KIAA1217: variants seen among roughly 807,000 people sequenced by gnomAD.
KIAA1217 encodes sickle tail protein homolog.
Under a neutral mutation model 163.9 loss-of-function variants are expected in KIAA1217, and 88 were observed. The ratio of observed to expected loss-of-function variants is 0.54; its 90% confidence interval spans 0.45 to 0.64. The LOEUF is 0.64. KIAA1217 is among the 30% of genes least tolerant of loss of function. The pLI is 0.00. For missense variants in KIAA1217, 2,372 were observed against 2,475.0 expected (o/e 0.96, Z 0.88); for synonymous variants, 903 against 923.1 (o/e 0.98, Z 0.39).
chr10:23,700,024 C>T (rs1019942348), intron 1 of KIAA1217, among the ~76,000 whole-genome samples: 3 of 152,116 alleles, frequency 2.0e-5, no homozygotes, highest in Non-Finnish European at 4.4e-5. Context: ...TTAGATAGAA[C>T]TGGAATCTTA....
intron 2 of KIAA1217, among the ~76,000 whole-genome samples, chr10:24,265,630 A>T (rs1564369989): frequency 6.6e-6 from 1 of 152,116 alleles, no homozygotes; most frequent in Admixed American, 6.6e-5. Context: ...TCCCATCTTC[A>T]TGTGGACATT....
intron 5 of KIAA1217, among the ~76,000 whole-genome samples, chr10:24,459,422 T>C (rs1259565078): frequency 1.3e-5 from 2 of 152,252 alleles, no homozygotes; most frequent in Non-Finnish European, 2.9e-5. Flanking sequence ...CATATTTTAA[T>C]GTTCACGTAC....
chr10:24,300,230 T>C (rs1490407847), intron 2 of KIAA1217, among the ~76,000 whole-genome samples: 1 of 152,236 alleles, frequency 6.6e-6, no homozygotes, highest in Non-Finnish European at 1.5e-5. Flanking sequence ...AATGAATCCC[T>C]GTCCCACAGT....
chr10:24,063,316 A>G (rs2060806800), intron 2 of KIAA1217, among the ~76,000 whole-genome samples: 1 of 152,188 alleles, frequency 6.6e-6, no homozygotes. Context: ...TAATTTTTGT[A>G]TAAGGTGTAA....
chr10:24,545,004 G>A lies in KIAA1217; in HGVS notation c.5235G>A (p.Thr1745=), dbSNP rs149856867. 8.7e-6 allele frequency: 14 copies of A among 1,613,880 alleles called. No homozygotes were observed. Among genetic ancestry groups the A allele is most frequent in the African/African-American group, 1.3e-5 (1 of 74,886 alleles). ...SRKGSSGAPQ[T]SRMPVPMSAK... ...AGGGCTCCAGCGGGGCCCCACAGAC[G>A]AGCAGGATGCCTGTCCCCATGAGTG... Residue 1745 remains threonine, a synonymous_variant, in exon 20 of 21, where the codon ACG becomes ACA. Transcript: ENST00000376454.
Position 24,296,804 on chromosome 10 carries a change from T to G in KIAA1217, c.354+76895T>G, listed in dbSNP as rs1019052708. Among the ~76,000 whole-genome samples the G allele has an allele frequency of 1.2e-4, 19 of 152,356 alleles. 1 individual carries two copies. Among genetic ancestry groups the G allele is most frequent in the Admixed American group, 9.8e-4 (15 of 15,304 alleles). Reference sequence around the variant, plus strand: ...GAAGAAGGATAGAGAGAAAGCTTGCTAATTGGGGCTAAATACAGATTATGT... The same window carrying G: ...GAAGAAGGATAGAGAGAAAGCTTGCGAATTGGGGCTAAATACAGATTATGT... On this transcript the variant is annotated intron_variant, in intron 2 of 20. Coordinates refer to ENST00000376454, the MANE Select transcript of KIAA1217 (RefSeq NM_019590.5).
chr10:24,174,702 C>A (rs116189159), intron 2 of KIAA1217, among the ~76,000 whole-genome samples: 1 of 152,144 alleles, frequency 6.6e-6, no homozygotes, highest in African/African-American at 2.4e-5. Flanking sequence ...GAACTACAGA[C>A]ATTTTTTAAA....
intron 2 of KIAA1217, among the ~76,000 whole-genome samples, chr10:24,083,473 C>T (rs574260173): frequency 2.4e-4 from 37 of 152,290 alleles, no homozygotes; most frequent in African/African-American, 8.7e-4. Flanking sequence ...AGAGGAAGTG[C>T]TCAATAATTG....
chr10:23,798,053 T>C (rs1836291979), intron 1 of KIAA1217, among the ~76,000 whole-genome samples: 2 of 152,208 alleles, frequency 1.3e-5, no homozygotes, highest in African/African-American at 4.8e-5. Flanking sequence ...AAAGAAATTA[T>C]TCCTTGTTTT....
In KIAA1217 at chr10:23,886,245, G is replaced by A. The variant is rs1040895780; in HGVS notation, c.-320-120980G>A. On this transcript the variant is annotated intron_variant, in intron 1 of 18. Coordinates refer to the KIAA1217 transcript ENST00000376462. ...AAGTGTTCCTCTTATTGCTAACTGT[G>A]TGGATGTTAACATGGGCATCTTCAC... 3.9e-5 allele frequency among the ~76,000 whole-genome samples: 6 copies of A among 151,910 alleles called. No individual in the cohort carries two copies. In the East Asian group the frequency reaches 9.7e-4, roughly 25 times the overall value.
intron 3 of KIAA1217, among the ~76,000 whole-genome samples, chr10:24,406,974 G>T (rs932935793): frequency 6.6e-6 from 1 of 152,166 alleles, no homozygotes; most frequent in Admixed American, 6.5e-5. Context: ...CTGTCACTGG[G>T]TGAGCGCAGA....
intron 2 of KIAA1217, among the ~76,000 whole-genome samples, chr10:24,224,145 G>A (rs1251359156): frequency 6.6e-6 from 1 of 152,246 alleles, no homozygotes; most frequent in East Asian, 1.9e-4. Flanking sequence ...ATGCTGATCT[G>A]CATAATAGTA....
At position 24,543,075 on chromosome 10, in the gene KIAA1217, G is replaced by A. The variant is rs543512214; in HGVS notation, c.3805G>A (p.Gly1269Ser). Residue 1269 changes from glycine to serine, a missense_variant, in exon 19 of 21, where the codon GGT becomes AGT. This residue lies in a region of KIAA1217 where 251 missense variants were observed against 327.3 expected (regional missense o/e 0.77). Coordinates refer to ENST00000376454, the MANE Select transcript of KIAA1217 (RefSeq NM_019590.5). ...SQETVPKASF[G>S]FSGISPLEDE... ...GGAAACTGTGCCTAAGGCCAGTTTC[G>A]GTTTCTCTGGCATTAGTCCATTAGA... 24 of 1,613,436 alleles carry A rather than the reference G, an allele frequency of 1.5e-5. No individual in the cohort carries two copies. Among genetic ancestry groups the A allele is most frequent in the South Asian group, 2.2e-5 (2 of 91,030 alleles).
At chr10:24,166,227 A>C (rs1237679217) in intron 2 of KIAA1217, among the ~76,000 whole-genome samples, 1 of 152,090 alleles carries the variant, frequency 6.6e-6, no homozygotes, top group Non-Finnish European at 1.5e-5. Flanking sequence ...TTAATAAAGA[A>C]ATCACCTGTG....
At chr10:23,737,805 C>T (rs1838896850) in intron 1 of KIAA1217, among the ~76,000 whole-genome samples, 1 of 151,458 alleles carries the variant, frequency 6.6e-6, no homozygotes, top group South Asian at 2.1e-4. Context: ...GATTTCAGTG[C>T]CCATTGACAG....
intron 1 of KIAA1217, among the ~76,000 whole-genome samples, chr10:23,847,747 G>A (rs751699409): frequency 6.6e-6 from 1 of 151,932 alleles, no homozygotes; most frequent in African/African-American, 2.4e-5. Flanking sequence ...GTTCTTTCTT[G>A]TCTTCTGCTG....
intron 6 of KIAA1217, 46 bp downstream of exon 6, chr10:24,474,106 G>T (rs780475395): frequency 7.1e-7 from 1 of 1,415,924 alleles, no homozygotes; most frequent in Non-Finnish European, 9.7e-7. Flanking sequence ...GGGCCCATGT[G>T]TCACTGTGGG....
rs182952377 is a variant in KIAA1217 at position 24,279,561 on chromosome 10, T to A, written c.354+59652T>A. On this transcript the variant is annotated intron_variant, in intron 2 of 20. Transcript: ENST00000376454. ...TTTTGCAGAAGAGTCTATGAGAAAG[T>A]TATTATAAACCAAAGGGTTATGAAT... Among the ~76,000 whole-genome samples, 203 of 152,286 alleles carry A rather than the reference T, an allele frequency of 1.3e-3. 2 individuals are homozygous for A. The highest frequency in any genetic ancestry group is 4.4e-3 in the African/African-American group (182 of 41,572).
chr10:23,696,404 A>T (rs1373431360), intron 1 of KIAA1217, among the ~76,000 whole-genome samples: 4 of 151,990 alleles, frequency 2.6e-5, no homozygotes, highest in African/African-American at 7.3e-5. Flanking sequence ...CGGGAATGGA[A>T]ATCCCACTTA....
Sources: gnomAD v4.1 joint callset for allele counts (sites outside exome capture counted in the v4.1 genomes callset) on GRCh38, gnomAD v4.1.1 for gene constraint, gnomAD v4.1.1 regional missense constraint, MANE v1.5 for transcripts, NCBI Gene and HGNC (gene_info 2026-07-23, HGNC 2026-07-21) for gene names.